SLC17A2: variants seen among roughly 807,000 people sequenced by gnomAD.
The protein encoded by SLC17A2 is solute carrier family 17 member 2.
Under a neutral mutation model 52.1 loss-of-function variants are expected in SLC17A2, and 38 were observed. That is an observed-to-expected ratio of 0.73 (90% CI 0.56 to 0.96). SLC17A2 has a LOEUF of 0.96. Among genes scored for constraint, SLC17A2 ranks in the 40% least tolerant of loss-of-function variants. The probability of loss-of-function intolerance (pLI) is 0.00; values close to 1 mark genes in which losing one functional copy is unlikely to be tolerated. For synonymous variants in SLC17A2, 226 were observed against 211.9 expected, an observed-to-expected ratio of 1.07 and a Z score of -0.58; for missense variants, 508 against 583.9, an observed-to-expected ratio of 0.87 and a Z score of 1.34.
chr6:25,927,482 G>T (rs1038624185), intron 1 of SLC17A2, among the ~76,000 whole-genome samples: 2 of 152,126 alleles, frequency 1.3e-5, no homozygotes, highest in East Asian at 3.9e-4. Flanking sequence ...GACTATTTCT[G>T]GGTTACAAAA....
Position 25,921,015 on chromosome 6 carries a change from C to A in SLC17A2, c.553G>T (p.Ala185Ser). 6.2e-7 allele frequency: 1 copy of A among 1,614,166 alleles called. No homozygotes were observed. Among genetic ancestry groups the A allele is most frequent in the Non-Finnish European group, 8.5e-7 (1 of 1,180,004 alleles). ...PLERSKLTTI[A>S]GSGSAFGSFI... ...ATCTGTGCACACTTACCTGATCCTG[C>A]AATGGTGGTGAGCTTGCTTCGTTCA... Residue 185 changes from alanine (A) to serine (S), a missense_variant, in exon 5 of 12, where the codon GCA (alanine) becomes TCA (serine). Transcript: ENST00000377850.
intron 11 of SLC17A2, among the ~76,000 whole-genome samples, chr6:25,913,745 A>C (rs548092887): frequency 2.0e-5 from 3 of 151,322 alleles, no homozygotes; most frequent in Non-Finnish European, 4.4e-5. Flanking sequence ...CTAAAATGGC[A>C]TTGTGGCATT....
intron 11 of SLC17A2, among the ~76,000 whole-genome samples, chr6:25,913,780 T>TCTTTTG (rs71544286): frequency 6.7e-6 from 1 of 149,490 alleles, no homozygotes; most frequent in East Asian, 2.0e-4. Flanking sequence ...TCTGTTTTTT[T>TCTTTTG]TTGTTGTTGT....
Position 25,918,590 on chromosome 6 carries a change from G to C in SLC17A2, c.563-17C>G. ...ATGCTGACCCTAAAGGAAAAAGGGA[G>C]AAAAACACTTATGAAAATATCAAAG... On this transcript the variant is annotated splice_polypyrimidine_tract_variant and intron_variant, in intron 5 of 11. Transcript: ENST00000377850. 6.5e-7 allele frequency: 1 copy of C among 1,549,486 alleles called. No homozygotes were observed. Among genetic ancestry groups the C allele is most frequent in the Non-Finnish European group, 8.9e-7 (1 of 1,121,450 alleles).
Position 25,921,150 on chromosome 6 carries a change from C to A in SLC17A2, c.474+29G>T, listed in dbSNP as rs369404309. On this transcript the variant is annotated intron_variant, in intron 4 of 11. Transcript: ENST00000377850. ...TTTGTAGAATTCAGAAATCTGGATC[C>A]CACCAAGAATGAGAAAGTATCTGGA... is the stretch of plus-strand genomic sequence containing the variant. The A allele has an allele frequency of 3.1e-6, 5 of 1,613,138 alleles. No homozygotes were observed. In the African/African-American group the frequency reaches 6.7e-5, roughly 22 times the overall value.
At chr6:25,913,898 T>A (rs1044252919) in intron 11 of SLC17A2, among the ~76,000 whole-genome samples, 1 of 152,138 alleles carries the variant, frequency 6.6e-6, no homozygotes, top group Non-Finnish European at 1.5e-5. Context: ...TGTGTGACCC[T>A]CCTCAGAAAG....
At position 25,925,751 on chromosome 6, in the gene SLC17A2, CAA is replaced by C. The variant is rs769914732; in HGVS notation, c.28+16_28+17del. 3 of 1,612,376 alleles carry C rather than the reference CAA, an allele frequency of 1.9e-6. No homozygotes were observed. Among genetic ancestry groups the C allele is most frequent in the Non-Finnish European group, 2.5e-6 (3 of 1,178,376 alleles). On this transcript the variant is annotated intron_variant, in intron 2 of 11. Coordinates refer to ENST00000377850, the MANE Select transcript of SLC17A2 (RefSeq NM_001286123.3). ...TCAGCTTATTAACATAGCCTGCAAA[CAA>C]GAGCAGTGGCTTTACCTTTCCTGGT... is the stretch of plus-strand genomic sequence containing the variant.
intron 1 of SLC17A2, among the ~76,000 whole-genome samples, chr6:25,927,081 A>G (rs1766794433): frequency 2.6e-5 from 4 of 152,304 alleles, no homozygotes; most frequent in South Asian, 4.1e-4. Context: ...AAACAAACAA[A>G]AAAACACATA....
At chr6:25,928,316 A>T (rs569787361) in intron 1 of SLC17A2, among the ~76,000 whole-genome samples, 1 of 152,172 alleles carries the variant, frequency 6.6e-6, no homozygotes, top group South Asian at 2.1e-4. Context: ...GAGAATTTGT[A>T]TATTTTAAAT....
Position 25,913,094 on chromosome 6 carries a change from G to A in SLC17A2, c.*223C>T. The A allele has an allele frequency of 7.9e-6, 4 of 506,128 alleles. No individual in the cohort carries two copies. The highest frequency in any genetic ancestry group is 1.1e-5 in the Non-Finnish European group (3 of 281,982). 31.4% of individuals were successfully genotyped at this position (506,128 alleles called of 1,614,324 possible). A position where few individuals can be genotyped will look rare whatever the true frequency, so the allele number is the denominator to read the frequency against. On this transcript the variant is annotated 3_prime_UTR_variant, in exon 12 of 12. Coordinates refer to ENST00000377850, the MANE Select transcript of SLC17A2 (RefSeq NM_001286123.3). ...GGCGCATGCTAGAAACCTCTAAGGA[G>A]TATCTAAAAATTAGTAGTATCTGGG...
chr6:25,926,969 G>C (rs976831514), intron 1 of SLC17A2, among the ~76,000 whole-genome samples: 1 of 152,184 alleles, frequency 6.6e-6, no homozygotes, highest in Non-Finnish European at 1.5e-5. Flanking sequence ...AGGAGGCTGA[G>C]GCAGGATAAT....
intron 11 of SLC17A2, 25 bp from the exon 12 acceptor site, chr6:25,913,476 G>C: frequency 1.2e-6 from 2 of 1,611,044 alleles, no homozygotes; most frequent in Non-Finnish European, 8.5e-7. Flanking sequence ...CAGAGAAAAT[G>C]ATCAATCTCA....
intron 3 of SLC17A2, among the ~76,000 whole-genome samples, chr6:25,922,078 A>G (rs1199037732): frequency 1.3e-5 from 2 of 151,410 alleles, no homozygotes; most frequent in African/African-American, 4.8e-5. Flanking sequence ...TAAAAAATAA[A>G]TGCAATAAGG....
At chr6:25,920,321 A>G (rs1403825917) in intron 5 of SLC17A2, among the ~76,000 whole-genome samples, 2 of 152,180 alleles carry the variant, frequency 1.3e-5, no homozygotes, top group Non-Finnish European at 2.9e-5. Flanking sequence ...ATAAAGCTGT[A>G]GAGGCCTGAG....
rs1766338303 is a variant in SLC17A2 at position 25,916,825 on chromosome 6, C to G, written c.790G>C (p.Val264Leu). ...CATGTGACCATCGCCTTTATGGGGA[C>G]AGCTCGTCCAGGAGAACTGGGCTGA... ...AQQPSSPGRA[V>L]PIKAMVTCLP... Residue 264 changes from valine (V) to leucine (L), a missense_variant, in exon 8 of 12, where the codon GTC becomes CTC. Val to Leu is a conservative substitution (Grantham distance 32). Transcript: ENST00000377850. The G allele has an allele frequency of 1.9e-6, 3 of 1,614,070 alleles. No individual in the cohort carries two copies. Among genetic ancestry groups the G allele is most frequent in the Non-Finnish European group, 2.5e-6 (3 of 1,180,030 alleles).
chr6:25,921,049 A>G lies in SLC17A2; in HGVS notation c.519T>C (p.Ala173=). Residue 173 remains alanine, a synonymous_variant, in exon 5 of 12, where the codon GCT becomes GCC. Transcript: ENST00000377850. ...TGQFTIWAKW[A]PPLERSKLTT... ...TGAGCTTGCTTCGTTCAAGTGGAGG[A>G]GCCCACTTTGCCCAAATAGTAAACT... 2 of 1,614,176 alleles carry G rather than the reference A, an allele frequency of 1.2e-6. No individual in the cohort carries two copies. Among genetic ancestry groups the G allele is most frequent in the Non-Finnish European group, 1.7e-6 (2 of 1,180,024 alleles).
At chr6:25,915,350 T>C (rs566075682) in intron 10 of SLC17A2, 149 bp downstream of exon 10, 163 of 721,544 alleles carry the variant, frequency 2.3e-4, no homozygotes, top group Non-Finnish European at 3.4e-4. Context: ...TTTGTTGTTC[T>C]AAAAATGGCC....
At position 25,921,326 on chromosome 6, in the gene SLC17A2, A is replaced by T. The variant is rs1285013327; in HGVS notation, c.327T>A (p.Ser109Arg). 5.8e-5 allele frequency: 94 copies of T among 1,614,038 alleles called. No individual in the cohort carries two copies. The highest frequency in any genetic ancestry group is 7.8e-5 in the Non-Finnish European group (92 of 1,180,020). The change falls in exon 4 of 12, where the codon AGT (serine) becomes AGA (arginine). Residue 109 changes from serine (S) to arginine (R), a missense_variant. Ser to Arg is a moderately radical substitution (Grantham distance 110). Transcript: ENST00000377850. ...NYGIILTLIP[S>R]GYLAGIFGAK... ...CTCCAAATATCCCTGCTAAATATCC[A>T]CTTGGGATCAGAGTCAGTATTATCC...
At position 25,915,867 on chromosome 6, in the gene SLC17A2, C is replaced by T; in HGVS notation, c.932G>A (p.Ser311Asn). 6.2e-7 allele frequency: 1 copy of T among 1,613,324 alleles called. No homozygotes were observed. Among genetic ancestry groups the T allele is most frequent in the Non-Finnish European group, 8.5e-7 (1 of 1,179,756 alleles). ...AAAAGGCAGGGAGGACAGAACTCCA[C>T]TCTGAAGGAAGGAAGTTTATACAGA... ...STLLHVNIRD[S>N]GVLSSLPFIA... Residue 311 changes from serine (S) to asparagine (N), a missense_variant and splice_region_variant, in exon 9 of 12, where the codon AGT becomes AAT. By Grantham distance (46) the Ser-to-Asn change is conservative (BLOSUM62 1). Coordinates refer to ENST00000377850, the MANE Select transcript of SLC17A2 (RefSeq NM_001286123.3).
Sources: gnomAD v4.1 joint callset for allele counts (sites outside exome capture counted in the v4.1 genomes callset) on GRCh38, gnomAD v4.1.1 for gene constraint, MANE v1.5 for transcripts, NCBI Gene and HGNC (gene_info 2026-07-23, HGNC 2026-07-21) for gene names.